Variants in NUB1 observed in about 807,000 individuals in gnomAD.
NUB1 encodes NEDD8 ultimate buster 1.
NUB1 carries 41 observed loss-of-function variants against 77.1 expected under a neutral mutation model. The observed-to-expected ratio is 0.53, with a 90% CI of 0.41 to 0.69. The LOEUF is 0.69. Among genes scored for constraint, NUB1 ranks in the 30% least tolerant of loss-of-function variants. The pLI, the probability that NUB1 is intolerant of heterozygous loss-of-function variation, is 0.00. For synonymous variants in NUB1, 257 were observed against 281.0 expected, an observed-to-expected ratio of 0.91 and a Z score of 0.85; for missense variants, 643 against 743.8, an observed-to-expected ratio of 0.86 and a Z score of 1.58.
intron 2 of NUB1, among the ~76,000 whole-genome samples, chr7:151,346,188 G>T (rs894846980): frequency 9.8e-5 from 15 of 152,328 alleles, no homozygotes; most frequent in South Asian, 8.3e-4. Context: ...CTTGGGAGGT[G>T]ACAAACTGTA....
chr7:151,378,433 G>A lies in NUB1; in HGVS notation c.*1208G>A, dbSNP rs1233399052. On this transcript the variant is annotated 3_prime_UTR_variant, in exon 15 of 15. Coordinates refer to ENST00000568733, the MANE Select transcript of NUB1 (RefSeq NM_001243351.2). ...ATGATACCGATGGAAATAAAAGGTG[G>A]GAAATATATTCAAAAATTGTCACCC... The A allele has an allele frequency of 1.3e-5, 2 of 152,190 alleles. No homozygotes were observed. Among genetic ancestry groups the A allele is most frequent in the East Asian group, 3.8e-4 (2 of 5,206 alleles). The allele number at this position is 152,190 out of a possible 1,614,324, so 9.4% of individuals were successfully genotyped here. A position where few individuals can be genotyped will look rare whatever the true frequency, so the allele number is the denominator to read the frequency against.
At chr7:151,346,664 G>A (rs1796517271) in intron 2 of NUB1, among the ~76,000 whole-genome samples, 1 of 152,184 alleles carries the variant, frequency 6.6e-6, no homozygotes, top group Non-Finnish European at 1.5e-5. Flanking sequence ...CACATGTCGG[G>A]ATGTACACCC....
chr7:151,368,767 T>C lies in NUB1; in HGVS notation c.1128T>C (p.Asp376=), dbSNP rs757804913. The C allele has an allele frequency of 6.2e-7, 1 of 1,613,760 alleles. No homozygotes were observed. The highest frequency in any genetic ancestry group is 1.3e-5 in the African/African-American group (1 of 74,924). The stretch of plus-strand genomic sequence containing the variant: ...AGCTCTTTAAAGAGCTATATATTGA[T>C]CCATCAAAAGTGGACAATTTGTTGC... ...ARQLFKELYI[D]PSKVDNLLQL... The change falls in exon 11 of 15, where the codon GAT becomes GAC. Residue 376 remains aspartate, a synonymous_variant. Transcript: ENST00000568733.
intron 4 of NUB1, among the ~76,000 whole-genome samples, 167 bp from the exon 5 acceptor site, chr7:151,352,643 CTG>C (rs1796869052): frequency 6.6e-6 from 1 of 152,164 alleles, no homozygotes; most frequent in Non-Finnish European, 1.5e-5. Context: ...TAGGATCTCT[CTG>C]TTGCCCAGGC....
Position 151,367,162 on chromosome 7 carries a change from C to T in NUB1, c.987+37C>T, listed in dbSNP as rs755233146. 1.5e-5 allele frequency: 23 copies of T among 1,522,992 alleles called. No homozygotes were observed. The Admixed American group carries it at 1.8e-4, about 12-fold the overall frequency. The allele number at this position is 1,522,992 out of a possible 1,614,324, so 94.3% of individuals were successfully genotyped here. ...GAATTCATCTTATGTCTCGTTGAGT[C>T]CATTTCTAGCATTTGTGTTTATTCC... On this transcript the variant is annotated intron_variant, in intron 9 of 14. Transcript: ENST00000568733.
At chr7:151,362,968 C>A (rs571444243) in intron 8 of NUB1, among the ~76,000 whole-genome samples, 2 of 152,350 alleles carry the variant, frequency 1.3e-5, no homozygotes, top group South Asian at 4.1e-4. Context: ...AGCACTAGGG[C>A]ATAATTTGGT....
In NUB1 at chr7:151,375,050, GGGGTGGGGTGCA is replaced by G. The variant is rs1798150334; in HGVS notation, c.1396-794_1396-783del. ...TGGGGGGACAGAGATGGGGTTGGAG[GGGGTGGGGTGCA>G]GGGCAGGTGTCCTCGTTTGCCCTGC... On this transcript the variant is annotated intron_variant, in intron 12 of 14. Coordinates refer to ENST00000568733, the MANE Select transcript of NUB1 (RefSeq NM_001243351.2). Among the ~76,000 whole-genome samples the G allele has an allele frequency of 2.6e-5, 4 of 151,516 alleles. No individual in the cohort carries two copies. The South Asian group carries it at 8.3e-4, about 32-fold the overall frequency.
At chr7:151,372,270 ATCTT>A (rs1219166043) in intron 11 of NUB1, among the ~76,000 whole-genome samples, 2 of 152,250 alleles carry the variant, frequency 1.3e-5, no homozygotes, top group South Asian at 2.1e-4. Context: ...GATCTACTTT[ATCTT>A]TCTAACTCAT....
At chr7:151,366,226 A>G (rs187947533) in intron 8 of NUB1, among the ~76,000 whole-genome samples, 22 of 152,180 alleles carry the variant, frequency 1.4e-4, no homozygotes, top group African/African-American at 5.3e-4. Context: ...ACGAATACGG[A>G]GTCAAATTTT....
chr7:151,350,661 ATAATC>A (rs1183600603), intron 3 of NUB1, among the ~76,000 whole-genome samples: 2 of 152,252 alleles, frequency 1.3e-5, no homozygotes. Flanking sequence ...AATCATATCT[ATAATC>A]TATTTCTAGT....
intron 11 of NUB1, among the ~76,000 whole-genome samples, chr7:151,369,657 A>C (rs955037292): frequency 6.6e-6 from 1 of 152,204 alleles, no homozygotes; most frequent in African/African-American, 2.4e-5. Flanking sequence ...GCAGTGAAAG[A>C]ACTGAGGTCT....
intron 1 of NUB1, among the ~76,000 whole-genome samples, chr7:151,344,936 C>T (rs937389299): frequency 2.6e-5 from 4 of 152,190 alleles, no homozygotes; most frequent in South Asian, 2.1e-4. Context: ...GGGGGCGGAG[C>T]TTGCAGTGAG....
chr7:151,361,922 C>T (rs542417975), intron 8 of NUB1, among the ~76,000 whole-genome samples: 154 of 152,178 alleles, frequency 1.0e-3, no homozygotes, highest in African/African-American at 3.5e-3. Context: ...ATTTTTCATT[C>T]CCTTCCATAG....
At chr7:151,376,070 T>C in intron 13 of NUB1, 127 bp downstream of exon 13, 1 of 701,700 alleles carries the variant, frequency 1.4e-6, no homozygotes, top group South Asian at 1.5e-5. Context: ...AGGCTCCAGG[T>C]GTAACCTGCC....
At chr7:151,367,997 T>G in intron 10 of NUB1, 29 bp downstream of exon 10, 1 of 1,290,440 alleles carries the variant, frequency 7.7e-7, no homozygotes, top group East Asian at 2.5e-5. Flanking sequence ...TAACCAATTT[T>G]CACCTCCTTT....
chr7:151,360,103 T>G (rs200256258), intron 7 of NUB1, 38 bp from the exon 8 acceptor site: 2 of 1,002,322 alleles, frequency 2.0e-6, no homozygotes, highest in Admixed American at 2.2e-5. Flanking sequence ...CTTATTATAT[T>G]TTAAAGTGAT....
chr7:151,343,021 T>C (rs115946617), intron 1 of NUB1, among the ~76,000 whole-genome samples: 2,189 of 152,258 alleles, frequency 0.014, 52 homozygotes, highest in African/African-American at 0.05. Context: ...ATTGCTTGGC[T>C]CCAGTAACCA....
chr7:151,342,927 G>A (rs1795697976), intron 1 of NUB1, among the ~76,000 whole-genome samples: 2 of 152,126 alleles, frequency 1.3e-5, no homozygotes, highest in Admixed American at 1.3e-4. Flanking sequence ...CACTGGCCTC[G>A]GCCTCCCAAG....
intron 4 of NUB1, among the ~76,000 whole-genome samples, chr7:151,351,856 G>T (rs1467759685): frequency 6.6e-6 from 1 of 151,672 alleles, no homozygotes; most frequent in African/African-American, 2.4e-5. Context: ...TGTATTAATA[G>T]CTTGCTATGA....
Sources: gnomAD v4.1 joint callset for allele counts (sites outside exome capture counted in the v4.1 genomes callset) on GRCh38, gnomAD v4.1.1 for gene constraint, MANE v1.5 for transcripts, NCBI Gene and HGNC (gene_info 2026-07-23, HGNC 2026-07-21) for gene names.